Variants in SAMD4A observed in about 807,000 individuals in gnomAD.
SAMD4A encodes protein Smaug homolog 1.
A neutral mutation model predicts 81.3 loss-of-function variants in SAMD4A; 33 were observed. That is an observed-to-expected ratio of 0.41 (90% CI 0.31 to 0.54). The LOEUF (loss-of-function observed/expected upper bound fraction) is 0.54. SAMD4A is among the 20% of genes least tolerant of loss of function. The pLI is 0.37. For synonymous variants in SAMD4A, 389 were observed against 382.1 expected, an observed-to-expected ratio of 1.02 and a Z score of -0.21; for missense variants, 854 against 951.1, an observed-to-expected ratio of 0.90 and a Z score of 1.34.
chr14:54,751,530 T>C lies in SAMD4A; in HGVS notation c.1169T>C (p.Leu390Ser). The change falls in exon 6 of 13, where the codon TTG becomes TCG. Residue 390 changes from leucine to serine, a missense_variant. Physicochemically the swap from Leu to Ser is moderately radical, Grantham distance 145 (BLOSUM62 -2). Coordinates refer to ENST00000554335, the MANE Select transcript of SAMD4A (RefSeq NM_015589.6). Reference protein sequence around the residue: ...LKERQNLLKSLERDIIEGGSL... With the variant: ...LKERQNLLKSSERDIIEGGSL... Reference sequence around the variant, plus strand: ...GAAAGACAAAATCTCCTGAAGTCTTTGGAAAGGGTAAGTTATCGGATGAGG... The same window carrying C: ...GAAAGACAAAATCTCCTGAAGTCTTCGGAAAGGGTAAGTTATCGGATGAGG... The C allele has an allele frequency of 1.3e-6, 2 of 1,596,498 alleles. No individual in the cohort carries two copies. Among genetic ancestry groups the C allele is most frequent in the East Asian group, 2.2e-5 (1 of 44,792 alleles).
At chr14:54,667,783 T>G (rs940693788) in intron 2 of SAMD4A, among the ~76,000 whole-genome samples, 3 of 152,250 alleles carry the variant, frequency 2.0e-5, no homozygotes. Flanking sequence ...TCCTGCTTAC[T>G]GAGTCTTTAC....
intron 2 of SAMD4A, among the ~76,000 whole-genome samples, chr14:54,657,355 C>T (rs1257375733): frequency 6.6e-6 from 1 of 152,194 alleles, no homozygotes; most frequent in Non-Finnish European, 1.5e-5. Flanking sequence ...AGCTCTATTG[C>T]CTTCCCATCT....
intron 2 of SAMD4A, among the ~76,000 whole-genome samples, chr14:54,673,370 A>G (rs780882893): frequency 2.0e-4 from 30 of 152,212 alleles, no homozygotes; most frequent in Non-Finnish European, 3.7e-4. Flanking sequence ...CTTGCACCAA[A>G]AGTCATCCTT....
chr14:54,787,078 G>A (rs1255144587), intron 12 of SAMD4A, among the ~76,000 whole-genome samples: 1 of 152,200 alleles, frequency 6.6e-6, no homozygotes, highest in African/African-American at 2.4e-5. Flanking sequence ...GGCCTTGCTG[G>A]AGACAGTATG....
intron 2 of SAMD4A, among the ~76,000 whole-genome samples, chr14:54,637,947 C>G (rs1253520973): frequency 6.6e-6 from 1 of 152,324 alleles, no homozygotes; most frequent in East Asian, 1.9e-4. Flanking sequence ...AGCCTCTCTG[C>G]TAACACATTG....
intron 2 of SAMD4A, among the ~76,000 whole-genome samples, chr14:54,681,141 G>A (rs887833577): frequency 7.2e-5 from 11 of 152,068 alleles, no homozygotes; most frequent in Non-Finnish European, 1.6e-4. Flanking sequence ...TGTTGGGCTG[G>A]GAACCAGGAG....
chr14:54,693,299 A>G (rs1386383295), intron 2 of SAMD4A: 1 of 152,250 alleles, frequency 6.6e-6, no homozygotes, highest in African/African-American at 2.4e-5. Context: ...ACTATTGTTT[A>G]TAGGTCGTCT....
intron 2 of SAMD4A, chr14:54,693,247 G>C (rs1239103478): frequency 6.6e-6 from 1 of 152,178 alleles, no homozygotes; most frequent in Non-Finnish European, 1.5e-5. Flanking sequence ...AGTTGAATGA[G>C]AAAGGGGCAA....
At chr14:54,748,748 A>G in intron 4 of SAMD4A, 67 bp from the exon 5 acceptor site, 2 of 1,083,078 alleles carry the variant, frequency 1.8e-6, no homozygotes, top group Non-Finnish European at 2.8e-6. Flanking sequence ...CTGTTCCTAC[A>G]TCTCTCGTCA....
intron 2 of SAMD4A, among the ~76,000 whole-genome samples, chr14:54,662,492 C>G (rs539715558): frequency 6.6e-6 from 1 of 151,570 alleles, no homozygotes; most frequent in African/African-American, 2.4e-5. Context: ...TCACTGCAAC[C>G]TCCACCTCCC....
intron 2 of SAMD4A, among the ~76,000 whole-genome samples, chr14:54,654,564 T>C (rs2035478738): frequency 6.6e-6 from 1 of 152,168 alleles, no homozygotes; most frequent in Admixed American, 6.5e-5. Context: ...GAAGTAAGGA[T>C]ATTAAAAACA....
chr14:54,603,918 G>T (rs1268347564), intron 2 of SAMD4A, among the ~76,000 whole-genome samples: 1 of 152,038 alleles, frequency 6.6e-6, no homozygotes, highest in African/African-American at 2.4e-5. Flanking sequence ...TCTGCCTCCC[G>T]GGTTCAAGCG....
chr14:54,682,074 T>G, intron 2 of SAMD4A: 1 of 984,736 alleles, frequency 1.0e-6, no homozygotes, highest in Non-Finnish European at 1.2e-6. Context: ...ATTTCATTAG[T>G]GTGTGACTCA....
At position 54,586,836 on chromosome 14, in the gene SAMD4A, T is replaced by C. The variant is rs535300135; in HGVS notation, c.196+18724T>C. Among the ~76,000 whole-genome samples the C allele has an allele frequency of 6.6e-5, 10 of 152,326 alleles. No homozygotes were observed. In the South Asian group the frequency reaches 1.4e-3, roughly 22 times the overall value. On this transcript the variant is annotated intron_variant, in intron 2 of 12. Transcript: ENST00000554335. ...TGTTTTTGTGACTATGGCCTTGTAG[T>C]ATAGTTTGAAGTCAGGTAATGTGAT...
intron 4 of SAMD4A, among the ~76,000 whole-genome samples, chr14:54,737,708 ATTTTTTTTTTTCCT>A (rs1238621220): frequency 2.0e-5 from 3 of 147,910 alleles, no homozygotes; most frequent in Non-Finnish European, 4.5e-5. Context: ...AAACCACGGG[ATTTTTTTTTTTCCT>A]TTATAAGTCT....
chr14:54,683,063 A>AGT (rs1445386597), intron 2 of SAMD4A, among the ~76,000 whole-genome samples: 1 of 152,104 alleles, frequency 6.6e-6, no homozygotes, highest in East Asian at 1.9e-4. Context: ...TGAGGGACAG[A>AGT]GTGTGTACTG....
At chr14:54,732,078 C>A (rs904617522) in intron 3 of SAMD4A, among the ~76,000 whole-genome samples, 3 of 152,146 alleles carry the variant, frequency 2.0e-5, no homozygotes, top group Non-Finnish European at 4.4e-5. Context: ...GCTCACTCAA[C>A]AAAGACGGCA....
At chr14:54,769,979 A>G in intron 8 of SAMD4A, 125 bp from the exon 9 acceptor site, 1 of 664,492 alleles carries the variant, frequency 1.5e-6, no homozygotes, top group Non-Finnish European at 2.7e-6. Context: ...CGTTTGGACC[A>G]GGTTAGAAAC....
intron 2 of SAMD4A, among the ~76,000 whole-genome samples, chr14:54,582,518 C>T (rs1030869732): frequency 6.6e-6 from 1 of 152,158 alleles, no homozygotes; most frequent in African/African-American, 2.4e-5. Flanking sequence ...ACCAGCTCAG[C>T]ATTTAGCACA....
Sources: gnomAD v4.1 joint callset for allele counts (sites outside exome capture counted in the v4.1 genomes callset) on GRCh38, gnomAD v4.1.1 for gene constraint, MANE v1.5 for transcripts, NCBI Gene and HGNC (gene_info 2026-07-23, HGNC 2026-07-21) for gene names.